The following SAMD4A variants were observed in gnomAD, a reference collection of about 807,000 sequenced individuals.
The protein encoded by SAMD4A is protein Smaug homolog 1.
In SAMD4A, 33 loss-of-function variants were observed where a neutral mutation model predicts 81.3. The observed-to-expected ratio is 0.41, with a 90% CI of 0.31 to 0.54. SAMD4A has a LOEUF of 0.54. Ranked by LOEUF, SAMD4A falls within the 20% of genes least tolerant of loss-of-function variation. The probability of loss-of-function intolerance (pLI) is 0.37; values close to 1 mark genes in which losing one functional copy is unlikely to be tolerated. For missense variants in SAMD4A, 854 were observed against 951.1 expected (o/e 0.90, Z 1.34); for synonymous variants, 389 against 382.1 (o/e 1.02, Z -0.21).
intron 2 of SAMD4A, among the ~76,000 whole-genome samples, chr14:54,621,857 T>A (rs1485087325): frequency 6.6e-6 from 1 of 152,198 alleles, no homozygotes; most frequent in African/African-American, 2.4e-5. Context: ...ACTAGACTCA[T>A]ATCTGTTAAT....
chr14:54,714,836 C>CTA (rs2037079949), intron 3 of SAMD4A, among the ~76,000 whole-genome samples: 4 of 152,092 alleles, frequency 2.6e-5, no homozygotes, highest in Admixed American at 2.6e-4. Flanking sequence ...TATGACAAAG[C>CTA]TATCCCATTA....
At chr14:54,579,430 G>C (rs1239437158) in intron 2 of SAMD4A, among the ~76,000 whole-genome samples, 3 of 152,220 alleles carry the variant, frequency 2.0e-5, no homozygotes, top group Non-Finnish European at 2.9e-5. Context: ...TTGAATCCTT[G>C]CTATTGCATG....
At chr14:54,627,560 A>C (rs540904283) in intron 2 of SAMD4A, among the ~76,000 whole-genome samples, 1 of 152,364 alleles carries the variant, frequency 6.6e-6, no homozygotes, top group South Asian at 2.1e-4. Context: ...ACAGGAAAAC[A>C]GTGGTGTGAG....
At chr14:54,621,962 T>C (rs920195404) in intron 2 of SAMD4A, among the ~76,000 whole-genome samples, 2 of 152,210 alleles carry the variant, frequency 1.3e-5, no homozygotes, top group African/African-American at 4.8e-5. Flanking sequence ...GTGTTACTCA[T>C]ATTATATGAA....
chr14:54,744,646 C>T (rs1339488762), intron 4 of SAMD4A, among the ~76,000 whole-genome samples: 1 of 152,172 alleles, frequency 6.6e-6, no homozygotes, highest in African/African-American at 2.4e-5. Context: ...CATGGTGGTG[C>T]TTTGTCCCAG....
intron 2 of SAMD4A, among the ~76,000 whole-genome samples, chr14:54,598,003 A>C (rs1566539609): frequency 6.6e-6 from 1 of 152,194 alleles, no homozygotes; most frequent in East Asian, 1.9e-4. Context: ...AGTCATGCTA[A>C]TTTAGAAAGA....
intron 2 of SAMD4A, among the ~76,000 whole-genome samples, chr14:54,661,720 G>A (rs899411463): frequency 2.0e-5 from 3 of 152,146 alleles, no homozygotes; most frequent in Admixed American, 1.3e-4. Context: ...GTTGCAAAAA[G>A]GTTAGTGGGA....
At chr14:54,764,391 A>T (rs1207809322) in intron 7 of SAMD4A, 64 bp from the exon 8 acceptor site, 4 of 1,074,452 alleles carry the variant, frequency 3.7e-6, no homozygotes, top group East Asian at 4.7e-5. Context: ...GGGAAATGAG[A>T]GTCAGGTCCC....
intron 2 of SAMD4A, among the ~76,000 whole-genome samples, chr14:54,581,168 C>A (rs183283731): frequency 6.6e-6 from 1 of 152,322 alleles, no homozygotes; most frequent in Admixed American, 6.5e-5. Context: ...CTACAGAAAT[C>A]ACAAGGCTAT....
chr14:54,653,301 ATATTATTATTATTATTAT>A lies in SAMD4A; in HGVS notation c.197-48726_197-48709del, dbSNP rs71448404. 3.3e-3 allele frequency among the ~76,000 whole-genome samples: 424 copies of A among 130,384 alleles called. 1 individual carries two copies. Among genetic ancestry groups the A allele is most frequent in the African/African-American group, 9.4e-3 (323 of 34,534 alleles). 85.5% of individuals were successfully genotyped at this position (130,384 alleles called of 152,430 possible). A position where few individuals can be genotyped will look rare whatever the true frequency, so the allele number is the denominator to read the frequency against. On this transcript the variant is annotated intron_variant, in intron 2 of 12. Coordinates refer to ENST00000554335, the MANE Select transcript of SAMD4A (RefSeq NM_015589.6). ...ACTTTGCCCTCAAGACTTCCTCTTA[ATATTATTATTATTATTAT>A]TATTATTATTATTATTATTATTATT...
At chr14:54,657,609 T>C (rs8011374) in intron 2 of SAMD4A, among the ~76,000 whole-genome samples, 77,585 of 152,046 alleles carry the variant, frequency 0.51, 20,215 homozygotes, top group African/African-American at 0.59. Flanking sequence ...GTCAAGACTG[T>C]GTTGGGTTTT....
intron 2 of SAMD4A, among the ~76,000 whole-genome samples, chr14:54,686,860 T>C (rs1039339700): frequency 6.6e-6 from 1 of 152,186 alleles, no homozygotes; most frequent in African/African-American, 2.4e-5. Flanking sequence ...TACTACACAG[T>C]TGAAATGTAC....
At position 54,642,419 on chromosome 14, in the gene SAMD4A, G is replaced by A. The variant is rs2035195716; in HGVS notation, c.197-59643G>A. ...AAGTGGAAGCTGGTGTTACAAACCC[G>A]ACATAAACTGCTGCTCTCAAGTTGG... On this transcript the variant is annotated intron_variant, in intron 2 of 12. Transcript: ENST00000554335. Among the ~76,000 whole-genome samples the A allele has an allele frequency of 2.0e-5, 3 of 152,178 alleles. No homozygotes were observed. In the South Asian group the frequency reaches 6.2e-4, roughly 31 times the overall value.
At chr14:54,731,164 T>G (rs1305557818) in intron 3 of SAMD4A, among the ~76,000 whole-genome samples, 1 of 152,196 alleles carries the variant, frequency 6.6e-6, no homozygotes, top group Non-Finnish European at 1.5e-5. Context: ...CCCTTCCCAA[T>G]TCCTTTGAAA....
At chr14:54,741,193 C>A in intron 4 of SAMD4A, among the ~76,000 whole-genome samples, 1 of 152,184 alleles carries the variant, frequency 6.6e-6, no homozygotes, top group East Asian at 1.9e-4. Context: ...CTGGGCAACT[C>A]ATGAGTGGAA....
intron 2 of SAMD4A, among the ~76,000 whole-genome samples, chr14:54,683,011 C>A (rs1256706166): frequency 1.3e-5 from 2 of 152,134 alleles, no homozygotes; most frequent in Non-Finnish European, 2.9e-5. Flanking sequence ...AGGGGGCCCT[C>A]CCTGGGAAGC....
At chr14:54,635,381 C>T (rs1304840207) in intron 2 of SAMD4A, among the ~76,000 whole-genome samples, 5 of 151,668 alleles carry the variant, frequency 3.3e-5, no homozygotes, top group Admixed American at 2.0e-4. Flanking sequence ...GCTGAGATCA[C>T]GCCATTGCAA....
intron 9 of SAMD4A, among the ~76,000 whole-genome samples, chr14:54,773,539 C>T (rs2038759291): frequency 6.6e-6 from 1 of 152,258 alleles, no homozygotes; most frequent in African/African-American, 2.4e-5. Flanking sequence ...TGAGGCGTGT[C>T]AGAGAGGATG....
At chr14:54,659,500 A>G (rs1419773654) in intron 2 of SAMD4A, among the ~76,000 whole-genome samples, 1 of 152,050 alleles carries the variant, frequency 6.6e-6, no homozygotes, top group Non-Finnish European at 1.5e-5. Flanking sequence ...GATTTTGATT[A>G]TTTGTTGCTC....
Sources: gnomAD v4.1 joint callset for allele counts (sites outside exome capture counted in the v4.1 genomes callset) on GRCh38, gnomAD v4.1.1 for gene constraint, MANE v1.5 for transcripts, NCBI Gene and HGNC (gene_info 2026-07-23, HGNC 2026-07-21) for gene names.